The following ST3GAL3 variants were observed in gnomAD, a reference collection of about 807,000 sequenced individuals.
ST3GAL3 encodes the protein CMP-N-acetylneuraminate-beta-1,4-galactoside alpha-2,3-sialyltransferase.
ST3GAL3 carries 21 observed loss-of-function variants against 50.1 expected under a neutral mutation model. The observed-to-expected ratio is 0.42, with a 90% CI of 0.30 to 0.60. The LOEUF (loss-of-function observed/expected upper bound fraction) is 0.60, where lower values mean the gene tolerates loss of function less well. Among genes scored for constraint, ST3GAL3 ranks in the 20% least tolerant of loss-of-function variants. The probability of loss-of-function intolerance (pLI) is 0.19; values close to 1 mark genes in which losing one functional copy is unlikely to be tolerated. For synonymous variants in ST3GAL3, 183 were observed against 190.0 expected, an observed-to-expected ratio of 0.96 and a Z score of 0.30; for missense variants, 353 against 489.4, an observed-to-expected ratio of 0.72 and a Z score of 2.63.
At chr1:43,844,644 T>G (rs903125065) in intron 5 of ST3GAL3, among the ~76,000 whole-genome samples, 2 of 151,962 alleles carry the variant, frequency 1.3e-5, no homozygotes, top group Non-Finnish European at 2.9e-5. Flanking sequence ...ACCCCGTCTC[T>G]ACCAAAAATA....
At chr1:43,774,312 C>G (rs771035613) in intron 2 of ST3GAL3, among the ~76,000 whole-genome samples, 14 of 152,104 alleles carry the variant, frequency 9.2e-5, no homozygotes, top group Non-Finnish European at 1.5e-4. Flanking sequence ...GCACATGGAA[C>G]TATATATCTT....
At chr1:43,849,998 A>G (rs1319207658) in intron 5 of ST3GAL3, among the ~76,000 whole-genome samples, 2 of 152,238 alleles carry the variant, frequency 1.3e-5, no homozygotes, top group Admixed American at 6.5e-5. Context: ...CCCATGGTCT[A>G]AATGATTATG....
intron 5 of ST3GAL3, among the ~76,000 whole-genome samples, chr1:43,891,889 T>A (rs2076728421): frequency 6.6e-6 from 1 of 152,232 alleles, no homozygotes; most frequent in Non-Finnish European, 1.5e-5. Flanking sequence ...GCTACAAGCA[T>A]TCTGTGCAGA....
chr1:43,918,604 A>G (rs1269714709), intron 9 of ST3GAL3, among the ~76,000 whole-genome samples: 1 of 152,110 alleles, frequency 6.6e-6, no homozygotes, highest in Non-Finnish European at 1.5e-5. Context: ...TCATATATAT[A>G]TATATAATTG....
chr1:43,890,146 T>C (rs2076502449), intron 5 of ST3GAL3, among the ~76,000 whole-genome samples: 2 of 152,204 alleles, frequency 1.3e-5, no homozygotes, highest in Admixed American at 1.3e-4. Context: ...ATTTTAGGTG[T>C]GATAATGTTT....
intron 1 of ST3GAL3, among the ~76,000 whole-genome samples, chr1:43,720,184 A>G (rs1427309811): frequency 6.6e-6 from 1 of 152,100 alleles, no homozygotes; most frequent in African/African-American, 2.4e-5. Flanking sequence ...AGCCAAGGTC[A>G]TGACACTGCA....
At chr1:43,860,316 G>A (rs1047129004) in intron 5 of ST3GAL3, among the ~76,000 whole-genome samples, 18 of 152,202 alleles carry the variant, frequency 1.2e-4, no homozygotes, top group Admixed American at 6.5e-4. Flanking sequence ...ACAGCAAACC[G>A]TGACCCACAC....
At chr1:43,735,591 T>C (rs1300173305) in intron 1 of ST3GAL3, among the ~76,000 whole-genome samples, 1 of 152,202 alleles carries the variant, frequency 6.6e-6, no homozygotes, top group African/African-American at 2.4e-5. Flanking sequence ...AAGTGGATTC[T>C]TCTCCAGGGC....
intron 11 of ST3GAL3, among the ~76,000 whole-genome samples, 200 bp downstream of exon 11, chr1:43,921,128 T>G (rs1353856420): frequency 6.6e-6 from 1 of 152,078 alleles, no homozygotes; most frequent in Admixed American, 6.6e-5. Context: ...TCCAAGGGAC[T>G]CTCCGTGCCC....
At chr1:43,838,739 T>C (rs1183441842) in intron 5 of ST3GAL3, 2 of 278,208 alleles carry the variant, frequency 7.2e-6, no homozygotes, top group African/African-American at 4.4e-5. Flanking sequence ...TGAGGCTGTC[T>C]TGAGTTTTAG....
chr1:43,894,615 T>A, intron 6 of ST3GAL3, 138 bp downstream of exon 6: 2 of 791,700 alleles, frequency 2.5e-6, no homozygotes, highest in Non-Finnish European at 4.3e-6. Context: ...TTCTCTACCT[T>A]TTTCCCTTCC....
chr1:43,881,526 C>T (rs1233953873), intron 5 of ST3GAL3, among the ~76,000 whole-genome samples: 1 of 152,248 alleles, frequency 6.6e-6, no homozygotes, highest in Non-Finnish European at 1.5e-5. Context: ...CACACAGTTT[C>T]CTCCCCTACG....
chr1:43,761,865 A>T (rs925314525), intron 2 of ST3GAL3, among the ~76,000 whole-genome samples: 1 of 147,840 alleles, frequency 6.8e-6, no homozygotes, highest in African/African-American at 2.5e-5. Flanking sequence ...GCAGGAGAAT[A>T]GCGTGAACCC....
At chr1:43,713,437 T>C (rs577146540) in intron 1 of ST3GAL3, among the ~76,000 whole-genome samples, 1 of 152,234 alleles carries the variant, frequency 6.6e-6, no homozygotes, top group African/African-American at 2.4e-5. Context: ...AGTTATAATA[T>C]TTCTAATCTT....
intron 5 of ST3GAL3, among the ~76,000 whole-genome samples, chr1:43,848,294 C>CT (rs58438507): frequency 0.55 from 38,661 of 70,618 alleles, 10,913 homozygotes; most frequent in Non-Finnish European, 0.62. Flanking sequence ...TTGTGGTTTT[C>CT]TTTTTTTTTT....
At chr1:43,917,544 GTATTATATATAATATAT>G (rs1355221838) in intron 9 of ST3GAL3, among the ~76,000 whole-genome samples, 2 of 67,274 alleles carry the variant, frequency 3.0e-5, no homozygotes, top group African/African-American at 1.2e-4. Flanking sequence ...AATATATTAT[GTATTATATATAATATAT>G]TATATTATAT....
intron 1 of ST3GAL3, among the ~76,000 whole-genome samples, chr1:43,719,445 T>C (rs986075989): frequency 6.6e-6 from 1 of 151,870 alleles, no homozygotes; most frequent in African/African-American, 2.4e-5. Flanking sequence ...GCGGATTGCC[T>C]GAGCTCAGGA....
chr1:43,894,869 A>T (rs1275816310), intron 6 of ST3GAL3, among the ~76,000 whole-genome samples: 4 of 152,074 alleles, frequency 2.6e-5, no homozygotes, highest in African/African-American at 9.7e-5. Flanking sequence ...TCCTGGACTC[A>T]AGTGATCTGC....
chr1:43,872,587 C>A lies in ST3GAL3; in HGVS notation c.303-21796C>A, dbSNP rs114459619. Among the ~76,000 whole-genome samples the A allele has an allele frequency of 3.3e-3, 505 of 152,088 alleles. 2 individuals carry two copies. The highest frequency in any genetic ancestry group is 0.011 in the African/African-American group (465 of 41,440). ...ATCTCACTTCATCTTCACAATAATC[C>A]ACGAGGTAGTAGGTATTATTAGCCC... is the stretch of plus-strand genomic sequence containing the variant. On this transcript the variant is annotated intron_variant, in intron 5 of 11. Transcript: ENST00000347631.
Sources: gnomAD v4.1 joint callset for allele counts (sites outside exome capture counted in the v4.1 genomes callset) on GRCh38, gnomAD v4.1.1 for gene constraint, MANE v1.5 for transcripts, NCBI Gene and HGNC (gene_info 2026-07-23, HGNC 2026-07-21) for gene names.